The following OLFM2 variants were observed in gnomAD, a reference collection of about 807,000 sequenced individuals.
The protein encoded by OLFM2 is olfactomedin 2.
Under a neutral mutation model 43.9 loss-of-function variants are expected in OLFM2, and 20 were observed. The ratio of observed to expected loss-of-function variants is 0.46; its 90% CI spans 0.32 to 0.66. OLFM2 has a LOEUF of 0.66. OLFM2 is among the 30% of genes least tolerant of loss of function. The probability of loss-of-function intolerance (pLI) is 0.04; values close to 1 mark genes in which losing one functional copy is unlikely to be tolerated. For synonymous variants in OLFM2, 268 were observed against 278.6 expected, an observed-to-expected ratio of 0.96 and a Z score of 0.38; for missense variants, 416 against 643.6, an observed-to-expected ratio of 0.65 and a Z score of 3.83.
At position 9,857,456 on chromosome 19, in the gene OLFM2, C is replaced by T. The variant is rs771032218; in HGVS notation, c.387G>A (p.Leu129=). ...FQELKDRMTE[L]LPLSSVLEQY... ...GCTCCAGGACCGAGCTCAGGGGCAA[C>T]AGTTCCGTCATCCTGTCCTTCAGCT... The change falls in exon 4 of 6, where the codon CTG becomes CTA. Residue 129 remains leucine (L), a synonymous_variant. Transcript: ENST00000264833. The surrounding 1 kb of genome is among the most constrained non-coding windows in gnomAD (Gnocchi z 5.7). 2.0e-5 allele frequency: 33 copies of T among 1,613,928 alleles called. No individual in the cohort carries two copies. The highest frequency in any genetic ancestry group is 2.6e-5 in the Non-Finnish European group (31 of 1,180,048).
At chr19:9,915,687 T>C (rs2046870894) in intron 1 of OLFM2, among the ~76,000 whole-genome samples, 1 of 151,910 alleles carries the variant, frequency 6.6e-6, no homozygotes. Context: ...CCGGCTAATT[T>C]TTTGTATTTT....
intron 1 of OLFM2, among the ~76,000 whole-genome samples, chr19:9,915,720 G>A (rs1050240225): frequency 5.3e-5 from 8 of 151,900 alleles, no homozygotes; most frequent in African/African-American, 1.7e-4. Flanking sequence ...GGGTTTCACC[G>A]TGTTAGCCAG....
chr19:9,932,469 AAAG>A (rs1180286808), intron 1 of OLFM2, among the ~76,000 whole-genome samples: 1 of 132,210 alleles, frequency 7.6e-6, no homozygotes. Context: ...AAAAAAAAAA[AAAG>A]AAAGAAAGAG....
intron 1 of OLFM2, among the ~76,000 whole-genome samples, chr19:9,904,223 C>T (rs980376093): frequency 6.6e-6 from 1 of 150,862 alleles, no homozygotes; most frequent in Non-Finnish European, 1.5e-5. Context: ...TGGAGTCTCA[C>T]TCTGTCGCCC....
chr19:9,877,732 G>C (rs1376913021), intron 1 of OLFM2, among the ~76,000 whole-genome samples: 4 of 152,096 alleles, frequency 2.6e-5, no homozygotes, highest in Admixed American at 1.3e-4. Context: ...TCCTCTCTCT[G>C]TGTCACTTTT....
At position 9,926,335 on chromosome 19, in the gene OLFM2, G is replaced by A. The variant is rs572477167; in HGVS notation, c.63+9969C>T. ...TGGAAGGCTGAGGCGGGCGGATCAC[G>A]AGGTCGGGAGATCGAGACCATCCTG... On this transcript the variant is annotated intron_variant, in intron 1 of 5. Transcript: ENST00000264833. 4.8e-3 allele frequency among the ~76,000 whole-genome samples: 713 copies of A among 149,680 alleles called. 5 individuals are homozygous for A. The highest frequency in any genetic ancestry group is 6.8e-3 in the Non-Finnish European group (455 of 67,202).
At chr19:9,888,633 A>C (rs1237798948) in intron 1 of OLFM2, among the ~76,000 whole-genome samples, 1 of 152,032 alleles carries the variant, frequency 6.6e-6, no homozygotes, top group Admixed American at 6.6e-5. Context: ...CACATCATTT[A>C]TGCATTAATT....
intron 1 of OLFM2, among the ~76,000 whole-genome samples, chr19:9,912,406 A>C (rs2046834346): frequency 6.6e-6 from 1 of 152,126 alleles, no homozygotes; most frequent in African/African-American, 2.4e-5. Flanking sequence ...TTTGGGGCTA[A>C]GCAAGGGAGG....
intron 1 of OLFM2, among the ~76,000 whole-genome samples, chr19:9,917,533 T>G (rs2086392176): frequency 6.6e-6 from 1 of 152,108 alleles, no homozygotes; most frequent in South Asian, 2.1e-4. Flanking sequence ...CTGTGTCTGC[T>G]TGGGGTGGAG....
At position 9,854,281 on chromosome 19, in the gene OLFM2, G is replaced by A; in HGVS notation, c.1270C>T (p.Pro424Ser). ...YSHISMLDYN[P>S]RERALYTWNN... ...CAGGTATAGAGGGCGCGCTCCCGGG[G>A]GTTGTAATCCAGCATCGAGATGTGG... Residue 424 changes from proline to serine, a missense_variant, in exon 6 of 6, where the codon CCC (proline) becomes TCC (serine). By Grantham distance (74) the Pro-to-Ser change is moderately conservative. Coordinates refer to ENST00000264833, the MANE Select transcript of OLFM2 (RefSeq NM_058164.4). The surrounding 1 kb of genome is among the most constrained non-coding windows in gnomAD (Gnocchi z 9.5). The A allele has an allele frequency of 1.2e-6, 2 of 1,614,146 alleles. No homozygotes were observed. The highest frequency in any genetic ancestry group is 1.7e-6 in the Non-Finnish European group (2 of 1,180,010).
intron 1 of OLFM2, among the ~76,000 whole-genome samples, chr19:9,882,454 C>T (rs1011531856): frequency 6.6e-6 from 1 of 151,758 alleles, no homozygotes; most frequent in Non-Finnish European, 1.5e-5. Context: ...AGGAGAATGG[C>T]GTGAACCCGG....
At chr19:9,900,265 G>A (rs1320343769) in intron 1 of OLFM2, among the ~76,000 whole-genome samples, 2 of 152,144 alleles carry the variant, frequency 1.3e-5, no homozygotes, top group African/African-American at 4.8e-5. Flanking sequence ...GGAAACCTGG[G>A]AAGGGGAGGA....
At chr19:9,928,656 C>G (rs887663574) in intron 1 of OLFM2, among the ~76,000 whole-genome samples, 1 of 151,610 alleles carries the variant, frequency 6.6e-6, no homozygotes, top group Admixed American at 6.6e-5. Flanking sequence ...AATACAAAAA[C>G]TAGCCAGGCA....
At chr19:9,908,964 T>C (rs1309615082) in intron 1 of OLFM2, among the ~76,000 whole-genome samples, 2 of 151,978 alleles carry the variant, frequency 1.3e-5, no homozygotes, top group Admixed American at 6.6e-5. Context: ...CCTTGACCCC[T>C]CAAAGTGCTG....
At chr19:9,874,404 T>C (rs181998342) in intron 1 of OLFM2, among the ~76,000 whole-genome samples, 1 of 146,318 alleles carries the variant, frequency 6.8e-6, no homozygotes, top group Admixed American at 7.0e-5. Context: ...TGACCTTAAG[T>C]GACCCTCCCA....
rs567307989 is a variant in OLFM2, at chr19:9,921,242, G to A, written c.63+15062C>T. 4.0e-5 allele frequency among the ~76,000 whole-genome samples: 6 copies of A among 151,612 alleles called. No individual in the cohort carries two copies. In the South Asian group the frequency reaches 6.3e-4, roughly 16 times the overall value. ...AGCGATCCTTCTGCCTCAACCTTCC[G>A]AGTAGCTGGGACTACAGTCACATGC... On this transcript the variant is annotated intron_variant, in intron 1 of 5. Transcript: ENST00000264833.
chr19:9,920,792 A>G (rs2086414621), intron 1 of OLFM2, among the ~76,000 whole-genome samples: 1 of 151,298 alleles, frequency 6.6e-6, no homozygotes, highest in Admixed American at 6.6e-5. Flanking sequence ...CTGCAATCCC[A>G]GCTACTTGGG....
chr19:9,926,412 C>T (rs544351836), intron 1 of OLFM2, among the ~76,000 whole-genome samples: 3 of 151,864 alleles, frequency 2.0e-5, no homozygotes, highest in East Asian at 3.9e-4. Flanking sequence ...ATTAGCCGGG[C>T]GTGGTGGCGG....
intron 2 of OLFM2, among the ~76,000 whole-genome samples, chr19:9,858,392 C>G (rs568736674): frequency 6.6e-6 from 1 of 152,276 alleles, no homozygotes; most frequent in Non-Finnish European, 1.5e-5. Flanking sequence ...CTCCAGCGTC[C>G]CCCACTCAAA....
Sources: allele counts gnomAD v4.1 joint callset (sites outside exome capture counted in the v4.1 genomes callset), GRCh38; gene constraint gnomAD v4.1.1; non-coding constraint Gnocchi (gnomAD v3.1); transcripts MANE v1.5; gene names NCBI Gene and HGNC (gene_info 2026-07-23, HGNC 2026-07-21).